The following R3HDM1 variants were observed in gnomAD, a reference collection of about 807,000 sequenced individuals.
R3HDM1 encodes R3H domain-containing protein 1.
In R3HDM1, 46 loss-of-function variants were observed where a neutral mutation model predicts 141.1. That is an observed-to-expected ratio of 0.33 (90% confidence interval 0.26 to 0.42). R3HDM1 has a LOEUF of 0.42. Among genes scored for constraint, R3HDM1 ranks in the 10% least tolerant of loss-of-function variants. The pLI is 1.00. For synonymous variants in R3HDM1, 435 were observed against 472.9 expected (o/e 0.92, Z 1.04); for missense variants, 1,184 against 1,368.3 (o/e 0.87, Z 2.12).
chr2:135,715,818 T>A, intron 24 of R3HDM1, 124 bp downstream of exon 24: 1 of 1,176,120 alleles, frequency 8.5e-7, no homozygotes, highest in Non-Finnish European at 1.2e-6. Context: ...TCACCTACAC[T>A]CAGGCATGTC....
rs773599278 is a variant in R3HDM1, at chr2:135,621,579, A to G, written c.389A>G (p.Asp130Gly). 1.3e-6 allele frequency: 2 copies of G among 1,598,778 alleles called. No individual in the cohort carries two copies. The highest frequency in any genetic ancestry group is 1.1e-5 in the South Asian group (1 of 86,966). The change falls in exon 6 of 27, where the codon GAT (aspartate) becomes GGT (glycine). Residue 130 changes from aspartate to glycine, a missense_variant. Transcript: ENST00000683871. ...GAAGCAGAAAAAGAAAAGGCCAGTGATAAGTTGCCCAGAAAAATGTTATCA... is the reference window on the plus strand; with the variant it reads ...GAAGCAGAAAAAGAAAAGGCCAGTGGTAAGTTGCCCAGAAAAATGTTATCA... The part of the protein sequence containing the change: ...KDEAEKEKAS[D>G]KLPRKMLSRD...
chr2:135,608,090 C>T lies in R3HDM1; in HGVS notation c.171+3074C>T, dbSNP rs934512375. 1.5e-5 allele frequency: 9 copies of T among 580,794 alleles called. No homozygotes were observed. The South Asian group carries it at 5.3e-4, about 34-fold the overall frequency. The allele number at this position is 580,794 out of a possible 1,614,324, so 36.0% of individuals were successfully genotyped here. On this transcript the variant is annotated intron_variant, in intron 3 of 26. Coordinates refer to ENST00000683871, the MANE Select transcript of R3HDM1 (RefSeq NM_001378107.1). The stretch of plus-strand genomic sequence containing the variant: ...CAGCACTTTGGGAGGCCAAGGTGGG[C>T]GGGTCACAAGGTCAGGAGTTCGAGA...
At chr2:135,684,034 C>T (rs571374354) in intron 21 of R3HDM1, among the ~76,000 whole-genome samples, 1 of 152,028 alleles carries the variant, frequency 6.6e-6, no homozygotes, top group Non-Finnish European at 1.5e-5. Flanking sequence ...AGCATAGAGT[C>T]AGAGCTTGGT....
At position 135,630,294 on chromosome 2, in the gene R3HDM1, A is replaced by C. The variant is rs896260634; in HGVS notation, c.498-1424A>C. Among the ~76,000 whole-genome samples the C allele has an allele frequency of 1.5e-3, 223 of 146,474 alleles. 1 individual carries two copies. The Middle Eastern group carries it at 0.018, about 12-fold the overall frequency. The stretch of plus-strand genomic sequence containing the variant: ...CTCCTTCTCAACCAAAAAAAAAAAA[A>C]AAAAAAAAAAAAAACAAAAAAAAAA... On this transcript the variant is annotated intron_variant, in intron 7 of 26. Coordinates refer to ENST00000683871, the MANE Select transcript of R3HDM1 (RefSeq NM_001378107.1).
chr2:135,586,835 G>A (rs570756022), intron 1 of R3HDM1: 1 of 985,120 alleles, frequency 1.0e-6, no homozygotes, highest in Non-Finnish European at 1.2e-6. Context: ...ACAGCAAATT[G>A]TCAGCTGGAA....
rs1432003957 is a variant in R3HDM1, at chr2:135,709,441, T to A, written c.2468T>A (p.Val823Glu). 1 of 1,613,968 alleles carries A rather than the reference T, an allele frequency of 6.2e-7. No homozygotes were observed. Among genetic ancestry groups the A allele is most frequent in the Admixed American group, 1.7e-5 (1 of 59,982 alleles). The part of the protein sequence containing the change: ...PGQQNNLSSS[V>E]GYLQHPGSEQ... ...TTTTGTTTTTTCCATAGCTCTTCAG[T>A]AGGTTACCTGCAACATCCAGGATCA... The change falls in exon 22 of 27, where the codon GTA becomes GAA. Residue 823 changes from valine to glutamate, a missense_variant. Physicochemically the swap from Val to Glu is moderately radical, Grantham distance 121. Around this residue, in one of 5 missense-constraint regions of R3HDM1, gnomAD observed 563 missense variants for 562.0 expected, o/e 1.00. Transcript: ENST00000683871.
chr2:135,531,818 C>G, intron 1 of R3HDM1, 185 bp downstream of exon 1: 2 of 985,378 alleles, frequency 2.0e-6, no homozygotes, highest in South Asian at 9.4e-5. Flanking sequence ...TGACGTCCCG[C>G]TGCTGCCAGC....
chr2:135,622,905 A>G (rs1448117483), intron 7 of R3HDM1, 173 bp downstream of exon 7: 2 of 984,110 alleles, frequency 2.0e-6, no homozygotes, highest in Admixed American at 6.2e-5. Context: ...ATGCAAATAT[A>G]TAAATATCTT....
At chr2:135,706,966 G>GCC (rs1327225764) in intron 21 of R3HDM1, among the ~76,000 whole-genome samples, 4 of 151,952 alleles carry the variant, frequency 2.6e-5, no homozygotes, top group Non-Finnish European at 5.9e-5. Flanking sequence ...GGGCAGAGGC[G>GCC]CCCCTCACCT....
intron 18 of R3HDM1, among the ~76,000 whole-genome samples, chr2:135,653,734 G>A (rs1030112546): frequency 6.6e-6 from 1 of 152,094 alleles, no homozygotes; most frequent in African/African-American, 2.4e-5. Flanking sequence ...GCTTATGCCT[G>A]TAATCCCAAA....
chr2:135,586,417 G>C (rs1478145594), intron 1 of R3HDM1: 1 of 153,004 alleles, frequency 6.5e-6, no homozygotes, highest in Non-Finnish European at 1.5e-5. Flanking sequence ...GAGCTCTATA[G>C]AGGAGCAATG....
At chr2:135,612,929 G>A (rs1390769681) in intron 3 of R3HDM1, among the ~76,000 whole-genome samples, 1 of 152,090 alleles carries the variant, frequency 6.6e-6, no homozygotes, top group Non-Finnish European at 1.5e-5. Context: ...TGTATGTATG[G>A]CATATTTTCT....
chr2:135,550,087 C>A (rs1699553914), intron 1 of R3HDM1: 1 of 984,764 alleles, frequency 1.0e-6, no homozygotes, highest in South Asian at 4.7e-5. Flanking sequence ...TCTTTTCCAG[C>A]TGAAGTTTTG....
At chr2:135,591,055 T>TC (rs1475263659) in intron 1 of R3HDM1, among the ~76,000 whole-genome samples, 1 of 152,108 alleles carries the variant, frequency 6.6e-6, no homozygotes, top group Non-Finnish European at 1.5e-5. Context: ...TAAATTAAAA[T>TC]CCTATAAAGG....
chr2:135,664,087 C>A (rs2067144062), intron 19 of R3HDM1, among the ~76,000 whole-genome samples: 1 of 151,530 alleles, frequency 6.6e-6, no homozygotes, highest in South Asian at 2.1e-4. Flanking sequence ...TGTATGTGCC[C>A]TAGTGTAGAA....
At chr2:135,651,687 A>C (rs201432428) in intron 17 of R3HDM1, 43 bp from the exon 18 acceptor site, 2 of 1,538,766 alleles carry the variant, frequency 1.3e-6, no homozygotes, top group Non-Finnish European at 8.8e-7. Flanking sequence ...AGTTTGGCCT[A>C]TGTGTAGAAG....
intron 1 of R3HDM1, among the ~76,000 whole-genome samples, chr2:135,535,259 C>T (rs936212071): frequency 6.6e-6 from 1 of 152,016 alleles, no homozygotes; most frequent in Non-Finnish European, 1.5e-5. Context: ...CCAGCACTTT[C>T]GGAGACCGAG....
intron 16 of R3HDM1, among the ~76,000 whole-genome samples, chr2:135,647,489 TAA>T (rs941114450): frequency 2.1e-4 from 32 of 152,356 alleles, no homozygotes; most frequent in Admixed American, 7.8e-4. Context: ...GATTTAGTGA[TAA>T]GAGACAGTTC....
chr2:135,688,514 T>C (rs2071762306), intron 21 of R3HDM1, among the ~76,000 whole-genome samples: 1 of 152,022 alleles, frequency 6.6e-6, no homozygotes, highest in Non-Finnish European at 1.5e-5. Context: ...CTCAATATGA[T>C]AACCAAGTTT....
Sources: allele counts gnomAD v4.1 joint callset (sites outside exome capture counted in the v4.1 genomes callset), GRCh38; gene constraint gnomAD v4.1.1; regional missense constraint gnomAD v4.1.1; transcripts MANE v1.5; gene names NCBI Gene and HGNC (gene_info 2026-07-23, HGNC 2026-07-21).